CHRM2: variants seen among roughly 807,000 people sequenced by gnomAD.
CHRM2 encodes muscarinic acetylcholine receptor M2.
A neutral mutation model predicts 25.0 loss-of-function variants in CHRM2; 8 were observed. That is an observed-to-expected ratio of 0.32 (90% CI 0.19 to 0.58). CHRM2 has a LOEUF of 0.58. CHRM2 is among the 20% of genes least tolerant of loss of function. The probability of loss-of-function intolerance (pLI) is 0.88; values close to 1 mark genes in which losing one functional copy is unlikely to be tolerated. For synonymous variants in CHRM2, 202 were observed against 205.7 expected (o/e 0.98, Z 0.15); for missense variants, 440 against 567.1 (o/e 0.78, Z 2.28).
At chr7:136,910,826 TGTGTGA>T (rs1368900526) in intron 2 of CHRM2, among the ~76,000 whole-genome samples, 1 of 148,638 alleles carries the variant, frequency 6.7e-6, no homozygotes, top group Non-Finnish European at 1.5e-5. Flanking sequence ...TGTGTGTGTG[TGTGTGA>T]GAGAGAGAGA....
At position 136,998,171 on chromosome 7, in the gene CHRM2, G is replaced by A. The variant is rs563858270; in HGVS notation, c.-47+5907G>A. On this transcript the variant is annotated intron_variant, in intron 3 of 3. Coordinates refer to ENST00000680005, the MANE Select transcript of CHRM2 (RefSeq NM_001006630.2). ...TGAGAGAATTAGTTCAAGCTCATAC[G>A]TTTCAATATTGAGAGTGAAATGAAG... Among the ~76,000 whole-genome samples, 11 of 152,242 alleles carry A rather than the reference G, an allele frequency of 7.2e-5. No individual in the cohort carries two copies. The East Asian group carries it at 9.7e-4, about 13-fold the overall frequency.
intron 2 of CHRM2, among the ~76,000 whole-genome samples, chr7:136,934,482 C>T (rs1001766328): frequency 6.6e-6 from 1 of 152,092 alleles, no homozygotes; most frequent in African/African-American, 2.4e-5. Context: ...ATCTAATCAT[C>T]TTTCAAAACT....
At chr7:136,988,260 A>C (rs1802988073) in intron 2 of CHRM2, among the ~76,000 whole-genome samples, 1 of 151,964 alleles carries the variant, frequency 6.6e-6, no homozygotes, top group South Asian at 2.1e-4. Flanking sequence ...AAGAGAAAGG[A>C]GGTCAGGGAA....
intron 3 of CHRM2, among the ~76,000 whole-genome samples, chr7:137,003,679 T>C (rs973303594): frequency 5.3e-5 from 8 of 152,114 alleles, no homozygotes; most frequent in African/African-American, 9.7e-5. Context: ...TGTATACTCC[T>C]AACCCAGCAG....
intron 2 of CHRM2, chr7:136,898,762 CCACA>C (rs1406245771): frequency 6.6e-6 from 1 of 151,904 alleles, no homozygotes; most frequent in Admixed American, 6.6e-5. Flanking sequence ...GCTATAATGG[CCACA>C]CAAAGTAGTA....
At chr7:136,874,128 T>C (rs1398326820) in intron 2 of CHRM2, among the ~76,000 whole-genome samples, 1 of 152,184 alleles carries the variant, frequency 6.6e-6, no homozygotes, top group Admixed American at 6.5e-5. Context: ...TAGTTGTCTC[T>C]CCATTTTTTC....
At position 137,014,901 on chromosome 7, in the gene CHRM2, G is replaced by A; in HGVS notation, c.36G>A (p.Leu12=). The change falls in exon 4 of 4, where the codon CTG becomes CTA. Residue 12 remains leucine (L), a synonymous_variant. Transcript: ENST00000680005. Reference sequence around the variant, plus strand: ...CAACAAACTCCTCTAACAATAGCCTGGCTCTTACAAGTCCTTATAAGACAT... The same window carrying A: ...CAACAAACTCCTCTAACAATAGCCTAGCTCTTACAAGTCCTTATAAGACAT... ...NNSTNSSNNS[L]ALTSPYKTFE... The A allele has an allele frequency of 1.2e-6, 2 of 1,613,146 alleles. No individual in the cohort carries two copies. The highest frequency in any genetic ancestry group is 1.7e-6 in the Non-Finnish European group (2 of 1,179,492).
At chr7:136,884,282 C>A (rs903401282) in intron 2 of CHRM2, among the ~76,000 whole-genome samples, 4 of 152,034 alleles carry the variant, frequency 2.6e-5, no homozygotes, top group Non-Finnish European at 4.4e-5. Flanking sequence ...ACTGTTGTCA[C>A]GTTGAGTGCC....
At chr7:136,936,403 A>G (rs1307436410) in intron 2 of CHRM2, among the ~76,000 whole-genome samples, 1 of 152,186 alleles carries the variant, frequency 6.6e-6, no homozygotes, top group Non-Finnish European at 1.5e-5. Context: ...AAAACTACAA[A>G]CGTCACAACA....
intron 2 of CHRM2, among the ~76,000 whole-genome samples, chr7:136,893,178 A>G (rs184125134): frequency 2.6e-5 from 4 of 151,790 alleles, no homozygotes; most frequent in Admixed American, 2.6e-4. Flanking sequence ...TTTCCACACT[A>G]CCCGCTTCCT....
intron 3 of CHRM2, among the ~76,000 whole-genome samples, chr7:136,999,723 A>G (rs1342189364): frequency 6.6e-6 from 1 of 152,182 alleles, no homozygotes; most frequent in African/African-American, 2.4e-5. Flanking sequence ...TTTGTTCTAC[A>G]TACAGGATAA....
rs527984562 is a variant in CHRM2, at chr7:136,920,216, G to A, written c.-125+50798G>A. The stretch of plus-strand genomic sequence containing the variant: ...TTTTTTCAGGCTCTTGTCAGCTGTT[G>A]CTGTCAACATATGAACTCTGTGTGT... On this transcript the variant is annotated intron_variant, in intron 2 of 3. Transcript: ENST00000680005. 3.3e-5 allele frequency among the ~76,000 whole-genome samples: 5 copies of A among 152,000 alleles called. No homozygotes were observed. In the East Asian group the frequency reaches 9.7e-4, roughly 29 times the overall value.
chr7:136,902,949 T>G, intron 2 of CHRM2: 1 of 354,262 alleles, frequency 2.8e-6, no homozygotes, highest in Non-Finnish European at 5.4e-6. Flanking sequence ...GTTCAGTTTT[T>G]CATTATCAAA....
chr7:136,910,642 A>C (rs1386146058), intron 2 of CHRM2, among the ~76,000 whole-genome samples: 1 of 151,956 alleles, frequency 6.6e-6, no homozygotes, highest in Non-Finnish European at 1.5e-5. Flanking sequence ...ACCTGCCATC[A>C]TTCTTTCCTC....
intron 2 of CHRM2, among the ~76,000 whole-genome samples, chr7:136,917,472 A>G (rs1798188082): frequency 6.6e-6 from 1 of 152,084 alleles, no homozygotes; most frequent in Admixed American, 6.6e-5. Context: ...CCACAGGGCC[A>G]GAATCATAAA....
intron 2 of CHRM2, among the ~76,000 whole-genome samples, chr7:136,951,953 T>C (rs1482838351): frequency 6.6e-6 from 1 of 152,134 alleles, no homozygotes; most frequent in African/African-American, 2.4e-5. Flanking sequence ...GAGGAGAAAA[T>C]AGTATCTTTG....
At chr7:136,981,485 C>T (rs1466873739) in intron 2 of CHRM2, among the ~76,000 whole-genome samples, 1 of 152,174 alleles carries the variant, frequency 6.6e-6, no homozygotes, top group Non-Finnish European at 1.5e-5. Flanking sequence ...TTCTTGTCTT[C>T]TGCTAGCTTT....
chr7:136,965,639 A>G (rs547086008), intron 2 of CHRM2, among the ~76,000 whole-genome samples: 1 of 152,196 alleles, frequency 6.6e-6, no homozygotes, highest in South Asian at 2.1e-4. Context: ...CGAAGAAGAA[A>G]AAGAAGCTCC....
chr7:137,007,600 G>A (rs193070314), intron 3 of CHRM2, among the ~76,000 whole-genome samples: 76 of 152,118 alleles, frequency 5.0e-4, no homozygotes, highest in African/African-American at 1.8e-3. Flanking sequence ...AACAAAAAGT[G>A]GAAATTTACT....
Sources: allele counts gnomAD v4.1 joint callset (sites outside exome capture counted in the v4.1 genomes callset), GRCh38; gene constraint gnomAD v4.1.1; transcripts MANE v1.5; gene names NCBI Gene and HGNC (gene_info 2026-07-23, HGNC 2026-07-21).